CD99L2: variants seen among roughly 807,000 people sequenced by gnomAD.
The protein encoded by CD99L2 is CD99 molecule like 2.
CD99L2 carries 24 observed loss-of-function variants against 27.3 expected under a neutral mutation model. The ratio of observed to expected loss-of-function variants is 0.88; its 90% CI spans 0.64 to 1.24. The LOEUF (loss-of-function observed/expected upper bound fraction) is 1.24, where lower values mean the gene tolerates loss of function less well. Ranked by LOEUF, CD99L2 falls within the 50% of genes most tolerant of loss-of-function variation. CD99L2 has a pLI of 0.00. For synonymous variants in CD99L2, 97 were observed against 87.9 expected (o/e 1.10, Z -0.58); for missense variants, 255 against 221.6 (o/e 1.15, Z -0.96).
intron 1 of CD99L2, among the ~76,000 whole-genome samples, chrX:150,897,521 G>C (rs1374022328): frequency 1.1e-5 from 1 of 95,203 alleles, no homozygotes; most frequent in Non-Finnish European, 2.1e-5. Flanking sequence ...TCAGTACTAG[G>C]ACAAAGTGTG....
chrX:150,798,412 T>C (rs1249893481), intron 4 of CD99L2, among the ~76,000 whole-genome samples: 1 of 110,568 alleles, frequency 9.0e-6, no homozygotes, highest in Admixed American at 9.5e-5. Context: ...CTCAACAGTA[T>C]GTCAAGACCA....
At chrX:150,804,992 C>T (rs2045972162) in intron 4 of CD99L2, among the ~76,000 whole-genome samples, 1 of 111,623 alleles carries the variant, frequency 9.0e-6, no homozygotes, top group Admixed American at 9.5e-5. Flanking sequence ...TCGATACCAG[C>T]CTAGGCAACA....
intron 1 of CD99L2, among the ~76,000 whole-genome samples, chrX:150,887,747 CAG>C (rs781887379): frequency 1.8e-5 from 2 of 111,752 alleles, no homozygotes; most frequent in Non-Finnish European, 3.8e-5. Flanking sequence ...ATCCCCCGCT[CAG>C]AGAGAGAGAA....
At chrX:150,860,891 T>C (rs570091601) in intron 1 of CD99L2, among the ~76,000 whole-genome samples, 30 of 110,478 alleles carry the variant, frequency 2.7e-4, no homozygotes, top group African/African-American at 9.2e-4. Flanking sequence ...CTCATGCCTG[T>C]AATCCCAGCA....
intron 7 of CD99L2, among the ~76,000 whole-genome samples, chrX:150,783,143 G>A (rs1227949306): frequency 3.0e-5 from 3 of 101,590 alleles, no homozygotes; most frequent in African/African-American, 7.2e-5. Context: ...GGGGCCTGTC[G>A]GGGGGTAGGG....
chrX:150,854,616 C>T (rs1306986854), intron 1 of CD99L2, among the ~76,000 whole-genome samples: 1 of 111,175 alleles, frequency 9.0e-6, no homozygotes, highest in Non-Finnish European at 1.9e-5. Context: ...GTTATGACTG[C>T]TATCTTGGGC....
chrX:150,879,750 T>TTAAAAA (rs1557422434), intron 1 of CD99L2, among the ~76,000 whole-genome samples: 9 of 19,391 alleles, frequency 4.6e-4, no homozygotes, highest in Non-Finnish European at 6.0e-4. Context: ...CTACAAAAAC[T>TTAAAAA]AAAAAAAAAA....
At chrX:150,783,266 C>T (rs940564547) in intron 7 of CD99L2, among the ~76,000 whole-genome samples, 10 of 111,216 alleles carry the variant, frequency 9.0e-5, no homozygotes, top group African/African-American at 3.0e-4. Context: ...CAAACCTGCA[C>T]GTTCTGCACA....
At position 150,898,645 on chromosome X, in the gene CD99L2, G is replaced by A. The variant is rs1284587809; in HGVS notation, c.-57C>T. 2.4e-5 allele frequency: 25 copies of A among 1,025,527 alleles called. No homozygotes were observed. Among genetic ancestry groups the A allele is most frequent in the Non-Finnish European group, 3.0e-5 (24 of 789,609 alleles). The allele number at this position is 1,025,527 out of a possible 1,213,427, so 84.5% of individuals were successfully genotyped here. On this transcript the variant is annotated 5_prime_UTR_variant, in exon 1 of 11. Transcript: ENST00000370377. ...CACAGTTAGCGCGAGAGCGCCCGAA[G>A]GGGAGGCCGAGGAGGAGCGGGAGGA... is the stretch of plus-strand genomic sequence containing the variant.
intron 7 of CD99L2, among the ~76,000 whole-genome samples, chrX:150,790,080 G>A (rs2045663714): frequency 9.0e-6 from 1 of 111,031 alleles, no homozygotes; most frequent in Non-Finnish European, 1.9e-5. Flanking sequence ...CTAAGTGAAA[G>A]AAGCTAGTCT....
chrX:150,781,631 G>T (rs969864639), intron 7 of CD99L2, among the ~76,000 whole-genome samples: 7 of 112,157 alleles, frequency 6.2e-5, no homozygotes, highest in African/African-American at 2.3e-4. Context: ...GCTGCAATTT[G>T]CTTTGAGTAT....
chrX:150,785,851 A>G (rs1319479755), intron 7 of CD99L2, among the ~76,000 whole-genome samples: 2 of 112,562 alleles, frequency 1.8e-5, no homozygotes, highest in East Asian at 5.5e-4. Context: ...ATATAAATGT[A>G]TCACAGTTTG....
chrX:150,873,736 T>A (rs1432689852), intron 1 of CD99L2, among the ~76,000 whole-genome samples: 2 of 110,632 alleles, frequency 1.8e-5, no homozygotes, highest in African/African-American at 6.6e-5. Flanking sequence ...AGAAGAGGAA[T>A]GAGAAGGAGC....
intron 1 of CD99L2, among the ~76,000 whole-genome samples, chrX:150,879,870 A>G (rs2047297956): frequency 1.1e-5 from 1 of 92,607 alleles, no homozygotes; most frequent in Admixed American, 1.2e-4. Flanking sequence ...GGCTGCAGTG[A>G]GCCTTGTTGG....
Position 150,818,201 on chromosome X carries a change from G to GATATATATATATATATATATAT in CD99L2, c.131-2145_131-2124dup, listed in dbSNP as rs368100797. ...CAATCACAGAAGAAACAAGTAGGCA[G>GATATATATATATATATATATAT]ATATATATATATATATATATATGAC... On this transcript the variant is annotated intron_variant, in intron 2 of 10. Coordinates refer to ENST00000370377, the MANE Select transcript of CD99L2 (RefSeq NM_031462.4). 6.3e-3 allele frequency among the ~76,000 whole-genome samples: 539 copies of GATATATATATATATATATATAT among 86,041 alleles called. 12 individuals carry two copies. The highest frequency in any genetic ancestry group is 7.5e-3 in the Non-Finnish European group (337 of 44,806). The allele number at this position is 86,041 out of a possible 115,157, so 74.7% of individuals were successfully genotyped here.
chrX:150,824,178 AGGAGGAGG>A lies in CD99L2; in HGVS notation c.130+7045_130+7052del, dbSNP rs1557420766. ...GAGGAGGAGGAGGAGGAGGAGGAGAAGGAGGAGGAGGAAGAAGAAGAGGAGGAGGAAGA... is the reference window on the plus strand; with the variant it reads ...GAGGAGGAGGAGGAGGAGGAGGAGAAAGGAAGAAGAAGAGGAGGAGGAAGA... On this transcript the variant is annotated intron_variant, in intron 2 of 10. Coordinates refer to ENST00000370377, the MANE Select transcript of CD99L2 (RefSeq NM_031462.4). 6.1e-3 allele frequency among the ~76,000 whole-genome samples: 95 copies of A among 15,629 alleles called. 1 individual carries two copies. Among genetic ancestry groups the A allele is most frequent in the Middle Eastern group, 0.029 (1 of 34 alleles). 13.6% of individuals were successfully genotyped at this position (15,629 alleles called of 115,157 possible).
Position 150,770,326 on chromosome X carries a change from G to A in CD99L2, c.699C>T (p.Ala233=), listed in dbSNP as rs537269938. ...ADYVKGENLE[A]VVCEEPQVKY... is the part of the protein sequence containing the mutation. Reference sequence around the variant, plus strand: ...CACCTTGGGGTTCCTCACATACCACGGCTTCCAGGTTCTCTCCCTTCACGT... The same window carrying A: ...CACCTTGGGGTTCCTCACATACCACAGCTTCCAGGTTCTCTCCCTTCACGT... Residue 233 remains alanine (A), a synonymous_variant, in exon 10 of 11, where the codon GCC becomes GCT. Coordinates refer to ENST00000370377, the MANE Select transcript of CD99L2 (RefSeq NM_031462.4). The A allele has an allele frequency of 4.5e-5, 54 of 1,210,402 alleles. No homozygotes were observed. The highest frequency in any genetic ancestry group is 1.2e-4 in the East Asian group (4 of 33,767).
At chrX:150,801,233 C>G (rs1257329969) in intron 4 of CD99L2, among the ~76,000 whole-genome samples, 1 of 111,201 alleles carries the variant, frequency 9.0e-6, no homozygotes, top group Non-Finnish European at 1.9e-5. Flanking sequence ...CAGATAAAGA[C>G]CTGTATTAGT....
rs782154388 is a variant in CD99L2, at chrX:150,769,049, T to C, written c.774A>G (p.Glu258=). ...GACAGGGCCCTCAGATCCGGGCTGG[T>C]TCGGGCGGCGGCGGCGGCTCTGCAG... ...TQSAEPPPPP[E]PARI The change falls in exon 11 of 11, where the codon GAA becomes GAG. Residue 258 remains glutamate, a synonymous_variant. Transcript: ENST00000370377. The C allele has an allele frequency of 8.6e-7, 1 of 1,156,471 alleles. No individual in the cohort carries two copies. The highest frequency in any genetic ancestry group is 1.1e-6 in the Non-Finnish European group (1 of 876,366).
Sources: allele counts gnomAD v4.1 joint callset (sites outside exome capture counted in the v4.1 genomes callset), GRCh38; gene constraint gnomAD v4.1.1; transcripts MANE v1.5; gene names NCBI Gene and HGNC (gene_info 2026-07-23, HGNC 2026-07-21).